The following SUMF1 variants were observed in gnomAD, a reference collection of about 807,000 sequenced individuals.
SUMF1 encodes the protein sulfatase modifying factor 1, also known as formylglycine-generating enzyme.
In SUMF1, 48 loss-of-function variants were observed where a neutral mutation model predicts 47.6. The ratio of observed to expected loss-of-function variants is 1.01; its 90% CI spans 0.80 to 1.28. The LOEUF is 1.28. Among genes scored for constraint, SUMF1 ranks in the 50% most tolerant of loss-of-function variants. SUMF1 has a pLI of 0.00. For missense variants in SUMF1, 571 were observed against 485.4 expected, an observed-to-expected ratio of 1.18 and a Z score of -1.66; for synonymous variants, 230 against 192.1, an observed-to-expected ratio of 1.20 and a Z score of -1.63.
At chr3:4,314,007 A>G in intron 8 of SUMF1, 1 of 640,882 alleles carries the variant, frequency 1.6e-6, no homozygotes, top group East Asian at 2.9e-5. Flanking sequence ...ATAGGATATA[A>G]GCAAAAATGA....
intron 3 of SUMF1, among the ~76,000 whole-genome samples, chr3:4,439,248 T>C (rs1203700167): frequency 6.6e-6 from 1 of 152,050 alleles, no homozygotes; most frequent in Non-Finnish European, 1.5e-5. Context: ...TGAGGCCGGG[T>C]GTGGTGGCTC....
At chr3:4,129,547 C>T (rs1024087605) in intron 8 of SUMF1, among the ~76,000 whole-genome samples, 1 of 152,136 alleles carries the variant, frequency 6.6e-6, no homozygotes, top group African/African-American at 2.4e-5. Flanking sequence ...AAACCCAGAA[C>T]CCCTTGAATG....
At chr3:4,341,094 AT>A (rs1289755475) in intron 8 of SUMF1, among the ~76,000 whole-genome samples, 4 of 152,160 alleles carry the variant, frequency 2.6e-5, no homozygotes, top group Non-Finnish European at 5.9e-5. Context: ...CTAAGAGAAC[AT>A]TTTCTCCTGA....
chr3:4,290,170 T>C (rs1360514106), intron 8 of SUMF1, among the ~76,000 whole-genome samples: 1 of 152,224 alleles, frequency 6.6e-6, no homozygotes, highest in Non-Finnish European at 1.5e-5. Context: ...TTCCCAAGTT[T>C]AGCATCTTTA....
chr3:4,230,582 G>A (rs767916852), intron 8 of SUMF1, among the ~76,000 whole-genome samples: 1 of 152,086 alleles, frequency 6.6e-6, no homozygotes, highest in Non-Finnish European at 1.5e-5. Flanking sequence ...CACCTTCCCA[G>A]CACCTCAACA....
At chr3:4,262,652 A>T (rs766483114) in intron 8 of SUMF1, among the ~76,000 whole-genome samples, 3 of 152,144 alleles carry the variant, frequency 2.0e-5, no homozygotes, top group Non-Finnish European at 4.4e-5. Context: ...CAGCAGCCCC[A>T]GCAGAAAGGC....
At chr3:4,327,386 C>A (rs1267473703) in intron 8 of SUMF1, among the ~76,000 whole-genome samples, 2 of 151,856 alleles carry the variant, frequency 1.3e-5, no homozygotes, top group African/African-American at 4.8e-5. Flanking sequence ...ATAAATTTCC[C>A]AAAAAAAGCA....
intron 8 of SUMF1, among the ~76,000 whole-genome samples, chr3:4,090,905 C>T (rs1014234939): frequency 2.6e-5 from 4 of 151,812 alleles, no homozygotes; most frequent in African/African-American, 9.7e-5. Flanking sequence ...CACGGTGAAA[C>T]CTCATCTCTA....
At chr3:4,115,145 G>T (rs1243642321) in intron 8 of SUMF1, among the ~76,000 whole-genome samples, 1 of 151,998 alleles carries the variant, frequency 6.6e-6, no homozygotes, top group Non-Finnish European at 1.5e-5. Flanking sequence ...CAGAGGAGCG[G>T]AAGAGGTCAC....
chr3:4,335,955 C>A (rs1302353905), intron 8 of SUMF1, among the ~76,000 whole-genome samples: 1 of 23,086 alleles, frequency 4.3e-5, no homozygotes, highest in Non-Finnish European at 6.9e-5. Flanking sequence ...AGTGAGATTC[C>A]AACTCAAAAA....
intron 8 of SUMF1, among the ~76,000 whole-genome samples, chr3:4,197,004 T>C (rs758310039): frequency 3.9e-5 from 6 of 152,056 alleles, no homozygotes; most frequent in Non-Finnish European, 7.4e-5. Flanking sequence ...TGGCCTCAAC[T>C]GAGATACACA....
At chr3:4,341,195 C>A (rs1343323008) in intron 8 of SUMF1, among the ~76,000 whole-genome samples, 4 of 151,808 alleles carry the variant, frequency 2.6e-5, no homozygotes, top group African/African-American at 9.7e-5. Context: ...CAGATTTGTT[C>A]TCCTCAGTCA....
intron 8 of SUMF1, among the ~76,000 whole-genome samples, chr3:4,234,585 G>T (rs1406099230): frequency 6.6e-6 from 1 of 152,074 alleles, no homozygotes; most frequent in East Asian, 1.9e-4. Flanking sequence ...GATCATTTGT[G>T]CAAGCAAGAA....
intron 8 of SUMF1, among the ~76,000 whole-genome samples, chr3:4,265,540 C>T (rs147344599): frequency 1.6e-4 from 25 of 152,158 alleles, no homozygotes; most frequent in Admixed American, 1.3e-4. Flanking sequence ...ACCCCTCAAA[C>T]TATACTATTT....
intron 8 of SUMF1, among the ~76,000 whole-genome samples, chr3:4,140,923 T>C (rs1694057476): frequency 1.3e-5 from 2 of 152,018 alleles, no homozygotes; most frequent in Admixed American, 6.6e-5. Flanking sequence ...ATAATAGGAA[T>C]AGGGAAGAGG....
chr3:4,341,246 A>G (rs1699266740), intron 8 of SUMF1, among the ~76,000 whole-genome samples: 1 of 152,148 alleles, frequency 6.6e-6, no homozygotes. Context: ...AAAAAAAAGA[A>G]AAAGAAAAAT....
At chr3:4,267,765 G>C (rs577923031) in intron 8 of SUMF1, among the ~76,000 whole-genome samples, 4 of 149,764 alleles carry the variant, frequency 2.7e-5, no homozygotes, top group Non-Finnish European at 4.4e-5. Flanking sequence ...TGGAGAAATA[G>C]GAACACTTTT....
intron 8 of SUMF1, chr3:4,316,065 AAAAG>A: frequency 3.7e-6 from 2 of 539,930 alleles, no homozygotes; most frequent in Non-Finnish European, 6.6e-6. Context: ...AAAAAAAAAA[AAAAG>A]TAACAGTTTT....
chr3:4,202,923 T>C (rs1237925716), intron 8 of SUMF1, among the ~76,000 whole-genome samples: 7 of 151,978 alleles, frequency 4.6e-5, no homozygotes, highest in African/African-American at 1.4e-4. Context: ...TTTTATTCCA[T>C]TGTGGTCAGG....
Sources: gnomAD v4.1 joint callset for allele counts (sites outside exome capture counted in the v4.1 genomes callset) on GRCh38, gnomAD v4.1.1 for gene constraint, MANE v1.5 for transcripts, NCBI Gene and HGNC (gene_info 2026-07-23, HGNC 2026-07-21) for gene names.